The following ZNF320 variants were observed in gnomAD, a reference collection of about 807,000 sequenced individuals.
ZNF320 encodes the protein zinc finger gene 320.
A neutral mutation model predicts 6.8 loss-of-function variants in ZNF320; 2 were observed. The observed-to-expected ratio is 0.29, with a 90% confidence interval of 0.12 to 0.93. ZNF320 has a LOEUF of 0.93. Ranked by LOEUF, ZNF320 falls within the 40% of genes least tolerant of loss-of-function variation. ZNF320 has a pLI of 0.55. For missense variants in ZNF320, 472 were observed against 611.0 expected, an observed-to-expected ratio of 0.77 and a Z score of 2.40; for synonymous variants, 208 against 203.2, an observed-to-expected ratio of 1.02 and a Z score of -0.20.
chr19:52,898,195 CCTTT>C (rs1311341082), upstream of ZNF320, among the ~76,000 whole-genome samples: 1 of 152,214 alleles, frequency 6.6e-6, no homozygotes, highest in Non-Finnish European at 1.5e-5. Flanking sequence ...AAATCCTCTC[CCTTT>C]CTATTTTCCA....
chr19:52,897,110 G>T lies in ZNF320; in HGVS notation c.-270+410C>A, dbSNP rs1223995629. Reference sequence around the variant, plus strand: ...CGGGTCCCCGGAGACGCTGGCTCGGGCCCACTCCCCTCTGTGGAGTGCTTT... The same window carrying T: ...CGGGTCCCCGGAGACGCTGGCTCGGTCCCACTCCCCTCTGTGGAGTGCTTT... On this transcript the variant is annotated intron_variant, in intron 1 of 5. Transcript: ENST00000682928. Among the ~76,000 whole-genome samples the T allele has an allele frequency of 2.0e-5, 3 of 152,382 alleles. No individual in the cohort carries two copies. The South Asian group carries it at 6.2e-4, about 32-fold the overall frequency.
rs561828186 is a variant in ZNF320 at position 52,885,677 on chromosome 19, T to C, written c.142+2450A>G. Among the ~76,000 whole-genome samples, 23 of 151,014 alleles carry C rather than the reference T, an allele frequency of 1.5e-4. No homozygotes were observed. The South Asian group carries it at 2.9e-3, about 19-fold the overall frequency. On this transcript the variant is annotated intron_variant, in intron 5 of 5. Transcript: ENST00000682928. ...GTTGCAGTGAGCTGAGATTGCACCATTGCACTCCAGCCTGGGAAACAGGAG... is the reference window on the plus strand; with the variant it reads ...GTTGCAGTGAGCTGAGATTGCACCACTGCACTCCAGCCTGGGAAACAGGAG...
At chr19:52,898,712 G>A (rs146342597), upstream of ZNF320, among the ~76,000 whole-genome samples, 816 of 152,298 alleles carry the variant, frequency 5.4e-3, 3 homozygotes, top group African/African-American at 0.019. Context: ...TGATTTGAGC[G>A]AGCAGGCGGT....
chr19:52,884,683 C>A (rs191367836), intron 5 of ZNF320, among the ~76,000 whole-genome samples: 92 of 152,242 alleles, frequency 6.0e-4, no homozygotes, highest in African/African-American at 2.2e-3. Context: ...AACTCCTGAC[C>A]TCAAGCAATC....
rs543303625 is a variant in ZNF320, at chr19:52,870,492, A to G, written c.223+3500T>C. ...GACTCCGTCTCAAAAAAAAAAAAAA[A>G]AAAGAAAAATACTTAAGATCATTAC... On this transcript the variant is annotated intron_variant, in intron 5 of 5. Transcript: ENST00000673631. Among the ~76,000 whole-genome samples the G allele has an allele frequency of 6.6e-5, 10 of 151,746 alleles. No homozygotes were observed. In the South Asian group the frequency reaches 2.1e-3, roughly 32 times the overall value.
downstream of ZNF320, among the ~76,000 whole-genome samples, chr19:52,872,020 C>T (rs1173781940): frequency 6.6e-6 from 1 of 152,194 alleles, no homozygotes; most frequent in Non-Finnish European, 1.5e-5. Context: ...CTCATTCTCA[C>T]CTTCTCTGAA....
intron 2 of ZNF320, 179 bp downstream of exon 2, chr19:52,893,600 T>C (rs1372120714): frequency 1.3e-5 from 2 of 152,160 alleles, no homozygotes; most frequent in Non-Finnish European, 2.9e-5. Context: ...TGAGCTGAGA[T>C]GGCACCAGTG....
intron 1 of ZNF320, chr19:52,895,768 C>G (rs574993966): frequency 2.9e-4 from 44 of 152,112 alleles, no homozygotes; most frequent in African/African-American, 1.0e-3. Flanking sequence ...CGAGATCGTG[C>G]CATCACACTC....
chr19:52,890,200 AAGGAAGG>A (rs781744674), intron 4 of ZNF320, 34 bp downstream of exon 4: 3 of 1,601,586 alleles, frequency 1.9e-6, no homozygotes, highest in South Asian at 1.1e-5. Context: ...GCATTTCTGA[AAGGAAGG>A]AGACAGAACA....
In ZNF320 at chr19:52,880,541, T is replaced by C; in HGVS notation, c.*55A>G. 1 of 1,502,342 alleles carries C rather than the reference T, an allele frequency of 6.7e-7. No homozygotes were observed. Among genetic ancestry groups the C allele is most frequent in the Non-Finnish European group, 9.0e-7 (1 of 1,108,140 alleles). The allele number at this position is 1,502,342 out of a possible 1,614,324, so 93.1% of individuals were successfully genotyped here. On this transcript the variant is annotated 3_prime_UTR_variant, in exon 6 of 6. Transcript: ENST00000682928. Reference sequence around the variant, plus strand: ...AAACAGTTTAATGTCGATTAATGCTTGAAATCAATGTTAAGTCAACTCAAA... The same window carrying C: ...AAACAGTTTAATGTCGATTAATGCTCGAAATCAATGTTAAGTCAACTCAAA...
At chr19:52,888,824 T>C (rs1266783052) in intron 4 of ZNF320, among the ~76,000 whole-genome samples, 4 of 152,208 alleles carry the variant, frequency 2.6e-5, no homozygotes, top group African/African-American at 9.7e-5. Context: ...TGTATGTATG[T>C]ATAAATGTGT....
upstream of ZNF320, among the ~76,000 whole-genome samples, chr19:52,900,304 C>G (rs8106242): frequency 0.4 from 60,385 of 152,086 alleles, 12,957 homozygotes; most frequent in Non-Finnish European, 0.48. Context: ...GACAACTAAG[C>G]CGCCTTACAG....
At chr19:52,902,592 A>G (rs927371467), upstream of ZNF320, among the ~76,000 whole-genome samples, 2 of 152,156 alleles carry the variant, frequency 1.3e-5, no homozygotes, top group African/African-American at 4.8e-5. Flanking sequence ...TTTAGCACCG[A>G]TTTTTATTAG....
rs374128224 is a variant in ZNF320 at position 52,881,061 on chromosome 19, T to C, written c.1065A>G (p.Lys355=). 6.2e-7 allele frequency: 1 copy of C among 1,614,190 alleles called. No individual in the cohort carries two copies. Among genetic ancestry groups the C allele is most frequent in the Non-Finnish European group, 8.5e-7 (1 of 1,180,034 alleles). ...TGTCACAAACCTTACATTTGTATGG[T>C]TTCTCTCCAGTATGAATCCTCCTAT... ...ERHRRIHTGE[K]PYKCKVCDKA... Residue 355 remains lysine (K), a synonymous_variant, in exon 6 of 6, where the codon AAA becomes AAG. Coordinates refer to ENST00000682928, the MANE Select transcript of ZNF320 (RefSeq NM_001351774.2).
rs150238652 is a variant in ZNF320, at chr19:52,896,301, G to A, written c.-270+1219C>T. ...ACACGAGATTTCGCCATGTTGACTA[G>A]GCTGGTCTCGAACTCCTGACCTCAG... On this transcript the variant is annotated intron_variant, in intron 1 of 5. Coordinates refer to ENST00000682928, the MANE Select transcript of ZNF320 (RefSeq NM_001351774.2). Among the ~76,000 whole-genome samples, 1,189 of 152,268 alleles carry A rather than the reference G, an allele frequency of 7.8e-3. 14 individuals are homozygous for A. The highest frequency in any genetic ancestry group is 0.027 in the African/African-American group (1,136 of 41,542).
chr19:52,862,863 T>C (rs566293506), exon 6 of ZNF320: 10 of 325,254 alleles, frequency 3.1e-5, no homozygotes, highest in Non-Finnish European at 6.2e-5. Flanking sequence ...ATGAATTGCC[T>C]TGTGAACAAA....
the ZNF320 span, among the ~76,000 whole-genome samples, chr19:52,903,039 CTT>C: frequency 3.9e-4 from 59 of 152,246 alleles, no homozygotes; most frequent in African/African-American, 1.4e-3. Context: ...TCCTTATAAT[CTT>C]TTTACTATAG....
chr19:52,891,701 T>A (rs2064299587), intron 2 of ZNF320, among the ~76,000 whole-genome samples: 1 of 151,978 alleles, frequency 6.6e-6, no homozygotes, highest in South Asian at 2.1e-4. Flanking sequence ...CACTGATGAG[T>A]TGGGCTTTTG....
upstream of ZNF320, among the ~76,000 whole-genome samples, chr19:52,899,523 T>C (rs572413734): frequency 1.2e-4 from 18 of 152,262 alleles, no homozygotes; most frequent in African/African-American, 4.3e-4. Flanking sequence ...AGTGCAGTGG[T>C]GCAGTCTCAG....
Sources: allele counts gnomAD v4.1 joint callset (sites outside exome capture counted in the v4.1 genomes callset), GRCh38; gene constraint gnomAD v4.1.1; transcripts MANE v1.5; gene names NCBI Gene and HGNC (gene_info 2026-07-23, HGNC 2026-07-21).